Variants in SLC5A4 observed in about 807,000 individuals in gnomAD.
SLC5A4 encodes the protein solute carrier family 5 member 4.
SLC5A4 carries 55 observed loss-of-function variants against 70.3 expected under a neutral mutation model. That is an observed-to-expected ratio of 0.78 (90% CI 0.63 to 0.98). The LOEUF (loss-of-function observed/expected upper bound fraction) is 0.98. Among genes scored for constraint, SLC5A4 ranks in the 50% least tolerant of loss-of-function variants. The pLI, the probability that SLC5A4 is intolerant of heterozygous loss-of-function variation, is 0.00. For synonymous variants in SLC5A4, 268 were observed against 305.7 expected (o/e 0.88, Z 1.29); for missense variants, 735 against 839.2 (o/e 0.88, Z 1.53).
the SLC5A4 span, among the ~76,000 whole-genome samples, chr22:32,323,620 C>A: frequency 6.6e-6 from 1 of 152,172 alleles, no homozygotes; most frequent in African/African-American, 2.4e-5. Flanking sequence ...ACAGAGGGAG[C>A]CCAGGGGCTG....
At chr22:32,288,726 A>G in the SLC5A4 span, among the ~76,000 whole-genome samples, 4 of 151,886 alleles carry the variant, frequency 2.6e-5, no homozygotes, top group Non-Finnish European at 5.9e-5. Flanking sequence ...TTTTATTTTT[A>G]GTAGAGACAG....
At chr22:32,273,205 T>C in the SLC5A4 span, 2 of 357,774 alleles carry the variant, frequency 5.6e-6, no homozygotes, top group East Asian at 6.7e-5. Context: ...GAAGACCATC[T>C]GATACTATGT....
chr22:32,326,213 TC>T, the SLC5A4 span, among the ~76,000 whole-genome samples: 1 of 151,910 alleles, frequency 6.6e-6, no homozygotes, highest in Non-Finnish European at 1.5e-5. Context: ...GGCAGCGGCT[TC>T]TGATAGTTGG....
At position 32,244,702 on chromosome 22, in the gene SLC5A4, T is replaced by G. The variant is rs146265050; in HGVS notation, c.477+2709A>C. Among the ~76,000 whole-genome samples the G allele has an allele frequency of 4.6e-5, 7 of 152,200 alleles. No individual in the cohort carries two copies. The East Asian group carries it at 1.4e-3, about 29-fold the overall frequency. ...GCCCCCATACCTGGCTAAATAATTT[T>G]TTTTTTGGTAGAGATAAGGGTCTCA... On this transcript the variant is annotated intron_variant, in intron 5 of 14. Transcript: ENST00000266086.
chr22:32,298,124 T>C, the SLC5A4 span, among the ~76,000 whole-genome samples: 1 of 142,102 alleles, frequency 7.0e-6, no homozygotes, highest in Admixed American at 7.2e-5. Context: ...AAAAAATGTA[T>C]ATTCTGTTGA....
chr22:32,240,272 G>C (rs933589810), intron 5 of SLC5A4, among the ~76,000 whole-genome samples: 5 of 151,944 alleles, frequency 3.3e-5, no homozygotes, highest in African/African-American at 1.2e-4. Flanking sequence ...CCCTCCTAGG[G>C]CCCTTAGGTC....
At chr22:32,257,691 G>A (rs1208088006), upstream of SLC5A4, among the ~76,000 whole-genome samples, 3 of 132,108 alleles carry the variant, frequency 2.3e-5, no homozygotes, top group Admixed American at 1.4e-4. Flanking sequence ...TTGAGACAGA[G>A]TTTCACTCTT....
chr22:32,225,898 G>T, intron 11 of SLC5A4, 75 bp from the exon 12 acceptor site: 1 of 992,972 alleles, frequency 1.0e-6, no homozygotes, highest in Non-Finnish European at 1.5e-6. Flanking sequence ...TAGTTCTAGC[G>T]TTCATTCTTG....
chr22:32,283,489 A>G, the SLC5A4 span, among the ~76,000 whole-genome samples: 1 of 152,208 alleles, frequency 6.6e-6, no homozygotes, highest in Non-Finnish European at 1.5e-5. Flanking sequence ...ACAATCAACA[A>G]AACAATCAAT....
chr22:32,274,432 T>C, the SLC5A4 span, among the ~76,000 whole-genome samples: 1 of 152,270 alleles, frequency 6.6e-6, no homozygotes, highest in East Asian at 1.9e-4. Context: ...GTAGATATTA[T>C]AAATTGGCAC....
At chr22:32,344,773 T>G in the SLC5A4 span, among the ~76,000 whole-genome samples, 5 of 152,138 alleles carry the variant, frequency 3.3e-5, no homozygotes, top group African/African-American at 1.2e-4. Flanking sequence ...GTTAACAAAC[T>G]TCATAATTTT....
chr22:32,321,337 A>T, the SLC5A4 span, among the ~76,000 whole-genome samples: 1 of 152,122 alleles, frequency 6.6e-6, no homozygotes, highest in African/African-American at 2.4e-5. Flanking sequence ...CTGTAGTCCC[A>T]GCTACTTGGG....
chr22:32,272,042 C>A, the SLC5A4 span: 1 of 639,476 alleles, frequency 1.6e-6, no homozygotes. Flanking sequence ...TCTCCCTAGT[C>A]TGCTGGGAGG....
At chr22:32,244,730 A>G (rs1318658004) in intron 5 of SLC5A4, among the ~76,000 whole-genome samples, 2 of 151,996 alleles carry the variant, frequency 1.3e-5, no homozygotes, top group Admixed American at 1.3e-4. Context: ...GGGTCTCACT[A>G]TTTAGCCCAG....
At chr22:32,281,239 G>A in the SLC5A4 span, among the ~76,000 whole-genome samples, 1 of 152,182 alleles carries the variant, frequency 6.6e-6, no homozygotes, top group African/African-American at 2.4e-5. Context: ...GTTATTTTCT[G>A]GGGTGATTCA....
At chr22:32,293,068 ATAT>A in the SLC5A4 span, among the ~76,000 whole-genome samples, 9 of 152,108 alleles carry the variant, frequency 5.9e-5, no homozygotes, top group African/African-American at 1.9e-4. Flanking sequence ...GTATACTTTA[ATAT>A]TATTACAGAT....
chr22:32,287,016 C>T, the SLC5A4 span, among the ~76,000 whole-genome samples: 42,816 of 151,848 alleles, frequency 0.28, 6,091 homozygotes, highest in African/African-American at 0.32. Context: ...GTGAGAGAGA[C>T]GGGGGAGCAA....
chr22:32,243,448 A>G (rs926153177), intron 5 of SLC5A4, among the ~76,000 whole-genome samples: 3 of 152,226 alleles, frequency 2.0e-5, no homozygotes, highest in African/African-American at 7.2e-5. Context: ...CAAAGTTGGA[A>G]TTTAAATGGT....
At chr22:32,328,247 G>A in the SLC5A4 span, among the ~76,000 whole-genome samples, 1 of 152,130 alleles carries the variant, frequency 6.6e-6, no homozygotes, top group Non-Finnish European at 1.5e-5. Context: ...TGAGGCCTGT[G>A]GTATGCAGCC....
Sources: allele counts gnomAD v4.1 joint callset (sites outside exome capture counted in the v4.1 genomes callset), GRCh38; gene constraint gnomAD v4.1.1; transcripts MANE v1.5; gene names NCBI Gene and HGNC (gene_info 2026-07-23, HGNC 2026-07-21).